The following ASIC2 variants were observed in gnomAD, a reference collection of about 807,000 sequenced individuals.
ASIC2 encodes the protein acid sensing ion channel subunit 2.
A neutral mutation model predicts 57.3 loss-of-function variants in ASIC2; 25 were observed. That is an observed-to-expected ratio of 0.44 (90% confidence interval 0.32 to 0.61). The LOEUF is 0.61. Ranked by LOEUF, ASIC2 falls within the 20% of genes least tolerant of loss-of-function variation. The pLI, the probability that ASIC2 is intolerant of heterozygous loss-of-function variation, is 0.06. For synonymous variants in ASIC2, 319 were observed against 307.5 expected (o/e 1.04, Z -0.39); for missense variants, 641 against 738.1 (o/e 0.87, Z 1.52).
chr17:34,105,480 CTTT>C (rs11305436), intron 1 of ASIC2, among the ~76,000 whole-genome samples: 2,297 of 122,864 alleles, frequency 0.019, 53 homozygotes, highest in East Asian at 0.066. Context: ...TTTCATCTAC[CTTT>C]TTTTTTTTTT....
chr17:33,760,387 A>T (rs1038074992), intron 1 of ASIC2, among the ~76,000 whole-genome samples: 1 of 152,086 alleles, frequency 6.6e-6, no homozygotes, highest in African/African-American at 2.4e-5. Flanking sequence ...AAAAATTGAA[A>T]TCAGTCATCT....
intron 1 of ASIC2, chr17:33,828,067 T>C (rs1041195196): frequency 1.3e-5 from 2 of 152,220 alleles, no homozygotes; most frequent in African/African-American, 4.8e-5. Context: ...TTCTTTTTTA[T>C]GGCTGCATGG....
chr17:33,594,984 G>C (rs541550868), intron 1 of ASIC2, among the ~76,000 whole-genome samples: 55 of 152,228 alleles, frequency 3.6e-4, no homozygotes, highest in African/African-American at 1.3e-3. Context: ...ACTTTGGGAG[G>C]CCCAGGTGGG....
intron 1 of ASIC2, among the ~76,000 whole-genome samples, chr17:33,374,436 G>A (rs1311641421): frequency 6.6e-6 from 1 of 152,108 alleles, no homozygotes; most frequent in African/African-American, 2.4e-5. Context: ...ACACCCCTAT[G>A]ATTTCATCCA....
intron 1 of ASIC2, among the ~76,000 whole-genome samples, chr17:33,878,053 T>C (rs1321482095): frequency 6.6e-6 from 1 of 152,234 alleles, no homozygotes; most frequent in Admixed American, 6.5e-5. Context: ...GGTTCCTGAC[T>C]GTTAGAAGGA....
intron 1 of ASIC2, among the ~76,000 whole-genome samples, chr17:33,467,751 C>T (rs1280583188): frequency 6.6e-6 from 1 of 152,176 alleles, no homozygotes; most frequent in Non-Finnish European, 1.5e-5. Flanking sequence ...TACCTATGAC[C>T]TGGAAGCAGA....
intron 1 of ASIC2, among the ~76,000 whole-genome samples, chr17:33,564,659 A>G (rs1916176512): frequency 6.6e-6 from 1 of 152,208 alleles, no homozygotes; most frequent in South Asian, 2.1e-4. Context: ...GCCTGTTGGG[A>G]GCAAGCCCCC....
chr17:33,556,366 C>T (rs558761034), intron 1 of ASIC2, among the ~76,000 whole-genome samples: 99 of 152,300 alleles, frequency 6.5e-4, no homozygotes, highest in Non-Finnish European at 1.2e-3. Flanking sequence ...TGTGGCATAG[C>T]TGCCTCTCCA....
intron 1 of ASIC2, among the ~76,000 whole-genome samples, chr17:33,216,402 G>T (rs960182542): frequency 6.6e-6 from 1 of 152,212 alleles, no homozygotes; most frequent in Non-Finnish European, 1.5e-5. Context: ...GTCTGGAAGG[G>T]GAGAGAAACC....
chr17:34,052,723 T>C (rs1908616745), intron 1 of ASIC2, among the ~76,000 whole-genome samples: 1 of 152,052 alleles, frequency 6.6e-6, no homozygotes, highest in Non-Finnish European at 1.5e-5. Context: ...TTCAAGCGAT[T>C]CTGCTGCCTT....
intron 1 of ASIC2, among the ~76,000 whole-genome samples, chr17:33,639,768 A>AC (rs916994840): frequency 4.0e-5 from 6 of 151,838 alleles, no homozygotes; most frequent in Non-Finnish European, 8.8e-5. Flanking sequence ...TAAGAAAAAA[A>AC]AAAAAAAAAA....
intron 1 of ASIC2, among the ~76,000 whole-genome samples, chr17:33,697,709 A>G (rs1567691783): frequency 1.3e-5 from 2 of 152,208 alleles, no homozygotes; most frequent in Non-Finnish European, 2.9e-5. Flanking sequence ...TCCCTTGACT[A>G]AGGACTGCTG....
chr17:34,115,867 A>G (rs141815063), intron 1 of ASIC2, among the ~76,000 whole-genome samples: 128 of 152,344 alleles, frequency 8.4e-4, no homozygotes, highest in East Asian at 2.7e-3. Flanking sequence ...ATATAACTAC[A>G]TAAGTGAAAA....
At chr17:34,061,458 A>G (rs1438428229) in intron 1 of ASIC2, among the ~76,000 whole-genome samples, 2 of 152,174 alleles carry the variant, frequency 1.3e-5, no homozygotes, top group African/African-American at 4.8e-5. Flanking sequence ...CAAAAACAAA[A>G]GACAAAATAC....
At position 33,539,783 on chromosome 17, in the gene ASIC2, G is replaced by A. The variant is rs1445586066; in HGVS notation, c.556-427716C>T. On this transcript the variant is annotated intron_variant, in intron 1 of 9. Transcript: ENST00000359872. ...CCTTCGGGAGCTCACAGTCCAGATG[G>A]GAGACAGGCACATAGCAGGGAATTA... is the stretch of plus-strand genomic sequence containing the variant. 2.0e-5 allele frequency among the ~76,000 whole-genome samples: 3 copies of A among 152,150 alleles called. No homozygotes were observed. In the East Asian group the frequency reaches 5.8e-4, roughly 29 times the overall value.
chr17:33,929,573 C>T (rs1039549275), intron 1 of ASIC2, among the ~76,000 whole-genome samples: 3 of 152,188 alleles, frequency 2.0e-5, no homozygotes, highest in Non-Finnish European at 4.4e-5. Flanking sequence ...CTCGTGGGCT[C>T]TGAGCAGAAG....
chr17:33,450,864 T>G (rs897953685), intron 1 of ASIC2, among the ~76,000 whole-genome samples: 6 of 152,208 alleles, frequency 3.9e-5, no homozygotes, highest in Non-Finnish European at 8.8e-5. Context: ...TACATCTGTA[T>G]GCAGATGTAT....
intron 2 of ASIC2, 54 bp from the exon 3 acceptor site, chr17:33,089,044 G>GA: frequency 6.2e-7 from 1 of 1,606,266 alleles, no homozygotes; most frequent in South Asian, 1.1e-5. Flanking sequence ...GATGCTCATG[G>GA]AGTCCTGGGA....
chr17:33,541,654 T>C (rs976112057), intron 1 of ASIC2, among the ~76,000 whole-genome samples: 1 of 152,196 alleles, frequency 6.6e-6, no homozygotes. Context: ...CTCAGGACTT[T>C]GGAGATTTCT....
Sources: allele counts gnomAD v4.1 joint callset (sites outside exome capture counted in the v4.1 genomes callset), GRCh38; gene constraint gnomAD v4.1.1; transcripts MANE v1.5; gene names NCBI Gene and HGNC (gene_info 2026-07-23, HGNC 2026-07-21).